The following HYKK variants were observed in gnomAD, a reference collection of about 807,000 sequenced individuals.
The protein encoded by HYKK is 5-hydroxy-L-lysine kinase.
In HYKK, 19 loss-of-function variants were observed where a neutral mutation model predicts 29.7. The observed-to-expected ratio is 0.64, with a 90% CI of 0.45 to 0.94. The LOEUF (loss-of-function observed/expected upper bound fraction) is 0.94. Among genes scored for constraint, HYKK ranks in the 40% least tolerant of loss-of-function variants. The probability of loss-of-function intolerance (pLI) is 0.00; values close to 1 mark genes in which losing one functional copy is unlikely to be tolerated. For synonymous variants in HYKK, 152 were observed against 158.1 expected (o/e 0.96, Z 0.29); for missense variants, 390 against 443.4 (o/e 0.88, Z 1.08).
chr15:78,529,592 T>A (rs913247420), intron 4 of HYKK, among the ~76,000 whole-genome samples: 1 of 152,230 alleles, frequency 6.6e-6, no homozygotes, highest in Non-Finnish European at 1.5e-5. Flanking sequence ...GATTTGTACA[T>A]AATAGTTGAT....
chr15:78,528,424 C>T (rs1377220468), intron 4 of HYKK: 2 of 985,282 alleles, frequency 2.0e-6, no homozygotes, highest in African/African-American at 3.5e-5. Flanking sequence ...ATATATCTAT[C>T]TCCCTGTGTA....
intron 1 of HYKK, among the ~76,000 whole-genome samples, chr15:78,510,405 G>A (rs1171871758): frequency 6.6e-6 from 1 of 151,578 alleles, no homozygotes; most frequent in Non-Finnish European, 1.5e-5. Flanking sequence ...CGCCATGTTG[G>A]CCAGGCTGGT....
chr15:78,511,862 C>T (rs1376874940), intron 1 of HYKK, among the ~76,000 whole-genome samples: 4 of 152,164 alleles, frequency 2.6e-5, no homozygotes, highest in African/African-American at 4.8e-5. Context: ...GTGAGACCCC[C>T]ATCTCTATCT....
intron 3 of HYKK, among the ~76,000 whole-genome samples, chr15:78,520,768 G>T (rs982844408): frequency 2.0e-5 from 3 of 152,186 alleles, no homozygotes; most frequent in African/African-American, 4.8e-5. Flanking sequence ...CCTCCCAGAT[G>T]GGGTGGTGGC....
intron 2 of HYKK, 62 bp from the exon 3 acceptor site, chr15:78,514,906 C>CTATATATATATATA (rs986814516): frequency 2.0e-6 from 1 of 505,350 alleles, no homozygotes; most frequent in African/African-American, 2.5e-5. Context: ...CTCTCTCTCT[C>CTATATATATATATA]TCTATATATA....
chr15:78,508,827 T>G lies in HYKK; in HGVS notation c.-6+1156T>G, dbSNP rs532777758. On this transcript the variant is annotated intron_variant, in intron 1 of 4. Coordinates refer to ENST00000388988, the MANE Select transcript of HYKK (RefSeq NM_001013619.4). ...GGGAGACCAAGGTAGGAGGATTGCT[T>G]GAGCCCAGAAGTTCGAGACCAGCCT... is the stretch of plus-strand genomic sequence containing the variant. Among the ~76,000 whole-genome samples, 15 of 137,688 alleles carry G rather than the reference T, an allele frequency of 1.1e-4. No individual in the cohort carries two copies. In the South Asian group the frequency reaches 3.5e-3, roughly 32 times the overall value. 90.3% of individuals were successfully genotyped at this position (137,688 alleles called of 152,430 possible). A position where few individuals can be genotyped will look rare whatever the true frequency, so the allele number is the denominator to read the frequency against.
intron 3 of HYKK, among the ~76,000 whole-genome samples, chr15:78,524,484 T>C (rs1199238201): frequency 1.3e-5 from 2 of 152,182 alleles, no homozygotes; most frequent in Non-Finnish European, 2.9e-5. Flanking sequence ...AGGCCTGTGA[T>C]GGTAGGGGCT....
chr15:78,515,967 G>T (rs2052129077), intron 3 of HYKK, among the ~76,000 whole-genome samples: 1 of 152,160 alleles, frequency 6.6e-6, no homozygotes, highest in Non-Finnish European at 1.5e-5. Context: ...AGAAATTCAT[G>T]ATATTCTTCA....
intron 4 of HYKK, among the ~76,000 whole-genome samples, chr15:78,532,266 C>T (rs11630349): frequency 0.32 from 47,913 of 151,914 alleles, 8,572 homozygotes; most frequent in Non-Finnish European, 0.42. Flanking sequence ...AACTCGTGTA[C>T]GCTCCATTCA....
intron 3 of HYKK, among the ~76,000 whole-genome samples, chr15:78,518,112 C>T (rs891254643): frequency 4.6e-5 from 7 of 152,232 alleles, no homozygotes; most frequent in African/African-American, 1.7e-4. Flanking sequence ...GTCCTCTGGG[C>T]TCCGCCTGGG....
chr15:78,513,060 G>C (rs750492172), intron 1 of HYKK, 24 bp from the exon 2 acceptor site: 2 of 1,295,288 alleles, frequency 1.5e-6, no homozygotes, highest in South Asian at 2.5e-5. Flanking sequence ...TCCCCTTTCT[G>C]TTTGTTGCTT....
chr15:78,525,537 G>T (rs773468713), intron 3 of HYKK, among the ~76,000 whole-genome samples: 1 of 150,630 alleles, frequency 6.6e-6, no homozygotes, highest in Non-Finnish European at 1.5e-5. Flanking sequence ...TCACTCTGTC[G>T]CCCAGGCTGA....
intron 3 of HYKK, among the ~76,000 whole-genome samples, chr15:78,517,597 A>G (rs1340202541): frequency 1.3e-5 from 2 of 152,064 alleles, no homozygotes; most frequent in African/African-American, 4.8e-5. Context: ...AAGAAAAAAA[A>G]TTCTCTTTAT....
chr15:78,537,346 T>C, downstream of HYKK: 1 of 645,880 alleles, frequency 1.5e-6, no homozygotes, highest in South Asian at 1.8e-5. Context: ...AAAGATCTGT[T>C]GAATAAACTG....
chr15:78,509,098 A>G (rs2052046270), intron 1 of HYKK, among the ~76,000 whole-genome samples: 1 of 152,072 alleles, frequency 6.6e-6, no homozygotes, highest in South Asian at 2.1e-4. Flanking sequence ...TGGTTAAGAC[A>G]GACATGTCTG....
chr15:78,530,758 G>A (rs187564986), intron 4 of HYKK, among the ~76,000 whole-genome samples: 7 of 152,070 alleles, frequency 4.6e-5, no homozygotes, highest in Admixed American at 2.0e-4. Context: ...GCCCAGGCTG[G>A]TCTTGAACTA....
At chr15:78,516,348 T>A (rs993204785) in intron 3 of HYKK, among the ~76,000 whole-genome samples, 3 of 148,240 alleles carry the variant, frequency 2.0e-5, no homozygotes, top group Non-Finnish European at 4.5e-5. Flanking sequence ...TTGGTCTTTT[T>A]TTTTTTTTTT....
At position 78,520,214 on chromosome 15, in the gene HYKK, T is replaced by C. The variant is rs570107401; in HGVS notation, c.477+5107T>C. Among the ~76,000 whole-genome samples the C allele has an allele frequency of 8.9e-4, 136 of 151,972 alleles. 2 individuals are homozygous for C. Among genetic ancestry groups the C allele is most frequent in the African/African-American group, 3.2e-3 (131 of 41,336 alleles). On this transcript the variant is annotated intron_variant, in intron 3 of 4. Coordinates refer to ENST00000388988, the MANE Select transcript of HYKK (RefSeq NM_001013619.4). Reference sequence around the variant, plus strand: ...TCTCACCCCATGCCTTTGCAGGAGCTGAGTTCTTTATTTATTTATTTATTT... The same window carrying C: ...TCTCACCCCATGCCTTTGCAGGAGCCGAGTTCTTTATTTATTTATTTATTT...
intron 3 of HYKK, chr15:78,518,827 A>G (rs2052162275): frequency 3.7e-6 from 1 of 266,900 alleles, no homozygotes; most frequent in Non-Finnish European, 7.6e-6. Flanking sequence ...AGACAGGAGA[A>G]TCACTTGAAC....
Sources: gnomAD v4.1 joint callset for allele counts (sites outside exome capture counted in the v4.1 genomes callset) on GRCh38, gnomAD v4.1.1 for gene constraint, MANE v1.5 for transcripts, NCBI Gene and HGNC (gene_info 2026-07-23, HGNC 2026-07-21) for gene names.